ADAM22: variants seen among roughly 807,000 people sequenced by gnomAD.
ADAM22 encodes the protein disintegrin and metalloproteinase domain-containing protein 22.
Under a neutral mutation model 144.6 loss-of-function variants are expected in ADAM22, and 65 were observed. That is an observed-to-expected ratio of 0.45 (90% CI 0.37 to 0.55). The LOEUF (loss-of-function observed/expected upper bound fraction) is 0.55, where lower values mean the gene tolerates loss of function less well. Ranked by LOEUF, ADAM22 falls within the 20% of genes least tolerant of loss-of-function variation. The pLI is 0.00. For synonymous variants in ADAM22, 391 were observed against 412.6 expected, an observed-to-expected ratio of 0.95 and a Z score of 0.63; for missense variants, 974 against 1,184.9, an observed-to-expected ratio of 0.82 and a Z score of 2.61.
intron 3 of ADAM22, among the ~76,000 whole-genome samples, chr7:88,074,055 A>G (rs1434092170): frequency 1.3e-5 from 2 of 152,172 alleles, no homozygotes; most frequent in African/African-American, 4.8e-5. Context: ...TATGTAAGAG[A>G]TGCTACTGGC....
In ADAM22 at chr7:88,179,113, T is replaced by G; in HGVS notation, c.2479T>G (p.Ser827Ala). The G allele has an allele frequency of 7.9e-7, 1 of 1,270,618 alleles. No individual in the cohort carries two copies. The highest frequency in any genetic ancestry group is 1.1e-6 in the Non-Finnish European group (1 of 875,512). The allele number at this position is 1,270,618 out of a possible 1,614,324, so 78.7% of individuals were successfully genotyped here. A position where few individuals can be genotyped will look rare whatever the true frequency, so the allele number is the denominator to read the frequency against. The change falls in exon 27 of 32, where the codon TCA (serine) becomes GCA (alanine). Residue 827 changes from serine to alanine, a missense_variant. This residue lies in a region of ADAM22 where 734 missense variants were observed against 950.6 expected (regional missense o/e 0.77). Coordinates refer to ENST00000413139, the MANE Select transcript of ADAM22 (RefSeq NM_001324418.2). ...ACATTATTCCATTAGTCAGAACATT[T>G]CATTATTTTGCAGCAGGTTTGATTA... ...ITHYSISQNI[S>A]LFCSRSNGLS... is the part of the protein sequence containing the mutation.
At chr7:87,967,034 T>C (rs1849298737) in intron 2 of ADAM22, among the ~76,000 whole-genome samples, 1 of 151,986 alleles carries the variant, frequency 6.6e-6, no homozygotes, top group Admixed American at 6.6e-5. Flanking sequence ...TCTGATGGTT[T>C]TATAAGGGGC....
At chr7:88,009,147 A>T (rs1584987576) in intron 3 of ADAM22, among the ~76,000 whole-genome samples, 1 of 152,128 alleles carries the variant, frequency 6.6e-6, no homozygotes. Flanking sequence ...TCAAGTTTTG[A>T]GGGGACAGTG....
At chr7:87,979,329 CT>C (rs1463420387) in intron 3 of ADAM22, among the ~76,000 whole-genome samples, 1 of 152,202 alleles carries the variant, frequency 6.6e-6, no homozygotes, top group Non-Finnish European at 1.5e-5. Context: ...CCATTAGCCA[CT>C]TGTGGCTGTT....
chr7:88,111,722 G>C (rs556829728), intron 5 of ADAM22, among the ~76,000 whole-genome samples: 7 of 152,014 alleles, frequency 4.6e-5, no homozygotes, highest in Non-Finnish European at 4.4e-5. Flanking sequence ...TACTGTTATG[G>C]ACTCAATATA....
At chr7:88,141,752 A>C (rs1454264915) in intron 14 of ADAM22, among the ~76,000 whole-genome samples, 1 of 152,134 alleles carries the variant, frequency 6.6e-6, no homozygotes, top group Non-Finnish European at 1.5e-5. Flanking sequence ...TTATTAATAT[A>C]TATCACAGTT....
intron 9 of ADAM22, among the ~76,000 whole-genome samples, chr7:88,129,134 C>T (rs1831129505): frequency 6.6e-6 from 1 of 151,926 alleles, no homozygotes; most frequent in Non-Finnish European, 1.5e-5. Flanking sequence ...ACATAGCTAA[C>T]CATTTAGCTT....
intron 3 of ADAM22, among the ~76,000 whole-genome samples, chr7:88,014,453 A>G (rs1447587201): frequency 6.6e-6 from 1 of 152,140 alleles, no homozygotes; most frequent in African/African-American, 2.4e-5. Context: ...AAGAAGTTAT[A>G]TACTTTTGAC....
chr7:88,165,962 G>T lies in ADAM22; in HGVS notation c.2191+16G>T. On this transcript the variant is annotated intron_variant, in intron 24 of 31. Coordinates refer to ENST00000413139, the MANE Select transcript of ADAM22 (RefSeq NM_001324418.2). ...TCTGGCAATGGTAAGTACTTAATTT[G>T]GTAACATTATGTAGTCTTTATACAC... 1 of 1,574,396 alleles carries T rather than the reference G, an allele frequency of 6.4e-7. No homozygotes were observed. The highest frequency in any genetic ancestry group is 8.7e-7 in the Non-Finnish European group (1 of 1,152,002).
chr7:88,000,161 T>A (rs1386472304), intron 3 of ADAM22, among the ~76,000 whole-genome samples: 3 of 152,180 alleles, frequency 2.0e-5, no homozygotes, highest in Non-Finnish European at 4.4e-5. Flanking sequence ...AGTTTGTTAT[T>A]CCTTCTATAT....
chr7:88,058,759 C>G (rs1808966924), intron 3 of ADAM22, among the ~76,000 whole-genome samples: 1 of 152,128 alleles, frequency 6.6e-6, no homozygotes, highest in Non-Finnish European at 1.5e-5. Context: ...AGAAAAAAAG[C>G]AGGCCTGAAA....
chr7:88,162,711 T>TA (rs1842020032), intron 22 of ADAM22, among the ~76,000 whole-genome samples: 1 of 152,134 alleles, frequency 6.6e-6, no homozygotes, highest in Non-Finnish European at 1.5e-5. Flanking sequence ...AATTACATAC[T>TA]AGTAATAATG....
chr7:88,161,748 A>G (rs552662601), intron 22 of ADAM22, among the ~76,000 whole-genome samples: 1 of 152,220 alleles, frequency 6.6e-6, no homozygotes, highest in Admixed American at 6.6e-5. Flanking sequence ...TCAAATAAAA[A>G]CCACCATAAG....
intron 2 of ADAM22, among the ~76,000 whole-genome samples, chr7:87,950,596 CAT>C (rs1380014738): frequency 3.3e-5 from 5 of 150,194 alleles, no homozygotes; most frequent in African/African-American, 7.5e-5. Flanking sequence ...CTGCAATAAA[CAT>C]ATGTGTGCAT....
chr7:88,132,740 T>C (rs1832107268), intron 11 of ADAM22, 127 bp from the exon 12 acceptor site: 1 of 687,492 alleles, frequency 1.5e-6, no homozygotes, highest in Non-Finnish European at 2.4e-6. Flanking sequence ...CATTCTTCCC[T>C]TGCAATGTGA....
intron 3 of ADAM22, among the ~76,000 whole-genome samples, chr7:88,013,085 A>C (rs1311631322): frequency 6.6e-6 from 1 of 152,200 alleles, no homozygotes; most frequent in Non-Finnish European, 1.5e-5. Context: ...GAATCCCCAG[A>C]TGTCTCTCAT....
intron 25 of ADAM22, 125 bp from the exon 26 acceptor site, chr7:88,171,419 G>C (rs1844276917): frequency 1.3e-6 from 1 of 777,572 alleles, no homozygotes; most frequent in Admixed American, 3.3e-5. Context: ...CTGTAATTCA[G>C]AATCCTCTAG....
intron 22 of ADAM22, among the ~76,000 whole-genome samples, chr7:88,158,344 C>G (rs1238517009): frequency 6.6e-6 from 1 of 152,060 alleles, no homozygotes; most frequent in Non-Finnish European, 1.5e-5. Flanking sequence ...GATAGATCAT[C>G]AAGGCAGAAA....
chr7:88,154,423 C>G (rs1345569141), intron 21 of ADAM22, among the ~76,000 whole-genome samples: 7 of 152,154 alleles, frequency 4.6e-5, no homozygotes, highest in Admixed American at 4.6e-4. Flanking sequence ...CCCTTTAACT[C>G]ATACCATCAT....
Sources: gnomAD v4.1 joint callset for allele counts (sites outside exome capture counted in the v4.1 genomes callset) on GRCh38, gnomAD v4.1.1 for gene constraint, gnomAD v4.1.1 regional missense constraint, MANE v1.5 for transcripts, NCBI Gene and HGNC (gene_info 2026-07-23, HGNC 2026-07-21) for gene names.